Variants in EIF4E observed in about 807,000 individuals in gnomAD.
The protein encoded by EIF4E is eIF-4F 25 kDa subunit.
For missense variants in EIF4E, 113 were observed against 265.6 expected, an observed-to-expected ratio of 0.43 and a Z score of 3.99; for synonymous variants, 71 against 88.5, an observed-to-expected ratio of 0.80 and a Z score of 1.11.
At chr4:98,906,620 G>C (rs575806028) in intron 1 of EIF4E, among the ~76,000 whole-genome samples, 143 of 152,252 alleles carry the variant, frequency 9.4e-4, no homozygotes, top group African/African-American at 3.3e-3. Context: ...CAAAATAGGA[G>C]CATCACTTGA....
chr4:98,917,483 A>G (rs1290051288), intron 1 of EIF4E, among the ~76,000 whole-genome samples: 1 of 152,032 alleles, frequency 6.6e-6, no homozygotes, highest in Non-Finnish European at 1.5e-5. Flanking sequence ...CAAACTATAA[A>G]CCAAAAACTG....
chr4:98,928,125 C>G (rs1481605192), intron 1 of EIF4E, among the ~76,000 whole-genome samples: 1 of 152,182 alleles, frequency 6.6e-6, no homozygotes, highest in Non-Finnish European at 1.5e-5. Context: ...GAGATAAAGA[C>G]TCGGAAGAAC....
At chr4:98,896,944 G>C (rs907882806) in intron 2 of EIF4E, among the ~76,000 whole-genome samples, 2 of 152,150 alleles carry the variant, frequency 1.3e-5, no homozygotes. Flanking sequence ...GACAGAGTGA[G>C]ACCCTGTCTT....
At chr4:98,893,960 TACG>T (rs1295435746) in intron 2 of EIF4E, among the ~76,000 whole-genome samples, 1 of 152,238 alleles carries the variant, frequency 6.6e-6, no homozygotes, top group Non-Finnish European at 1.5e-5. Context: ...TGCTGCTCCA[TACG>T]CTGCAGAAAG....
chr4:98,920,065 G>C (rs974757736), intron 1 of EIF4E, among the ~76,000 whole-genome samples: 2 of 152,144 alleles, frequency 1.3e-5, no homozygotes, highest in Admixed American at 6.5e-5. Context: ...AGTTCTCCTG[G>C]ACAGACTTTT....
intron 6 of EIF4E, among the ~76,000 whole-genome samples, chr4:98,883,907 T>C (rs1723804529): frequency 6.6e-6 from 1 of 151,790 alleles, no homozygotes; most frequent in East Asian, 2.0e-4. Context: ...GGTGTGGTCA[T>C]ACACACCTGT....
intron 2 of EIF4E, among the ~76,000 whole-genome samples, chr4:98,898,775 A>G (rs1724525228): frequency 6.6e-6 from 1 of 152,164 alleles, no homozygotes; most frequent in African/African-American, 2.4e-5. Flanking sequence ...AGCATTATTT[A>G]CTGTAAAAAT....
At chr4:98,885,682 G>T (rs779689231) in intron 5 of EIF4E, among the ~76,000 whole-genome samples, 1 of 152,140 alleles carries the variant, frequency 6.6e-6, no homozygotes, top group Non-Finnish European at 1.5e-5. Context: ...GAACTCCTGA[G>T]TTTAAGTGAA....
intron 6 of EIF4E, among the ~76,000 whole-genome samples, chr4:98,884,046 A>G (rs1723810599): frequency 6.6e-6 from 1 of 151,844 alleles, no homozygotes; most frequent in Admixed American, 6.6e-5. Context: ...CTCAAAAAAA[A>G]AAAAAAAGCC....
chr4:98,908,012 A>G (rs1724952084), intron 1 of EIF4E, among the ~76,000 whole-genome samples: 1 of 152,204 alleles, frequency 6.6e-6, no homozygotes, highest in Non-Finnish European at 1.5e-5. Flanking sequence ...TAAGATGAGG[A>G]AAAAATTTTA....
intron 1 of EIF4E, among the ~76,000 whole-genome samples, chr4:98,915,253 G>A (rs111680866): frequency 0.023 from 3,461 of 151,404 alleles, 50 homozygotes; most frequent in African/African-American, 0.032. Context: ...ACACAAACCC[G>A]GCCGAAAATT....
intron 1 of EIF4E, chr4:98,903,366 T>C (rs2110200917): frequency 9.4e-6 from 4 of 425,088 alleles, no homozygotes; most frequent in South Asian, 6.9e-5. Context: ...ATGGGTTTTT[T>C]TTTTTTTTGT....
At chr4:98,928,772 A>C in intron 1 of EIF4E, 1 of 1,313,360 alleles carries the variant, frequency 7.6e-7, no homozygotes, top group Non-Finnish European at 1.0e-6. Flanking sequence ...TCATGAAGAC[A>C]CCATCCTCGC....
chr4:98,914,913 T>A (rs2110214409), intron 1 of EIF4E, among the ~76,000 whole-genome samples: 1 of 152,240 alleles, frequency 6.6e-6, no homozygotes, highest in East Asian at 1.9e-4. Flanking sequence ...TCTGCTCAGT[T>A]TTGCTCCGAA....
chr4:98,906,411 C>A (rs1724875782), intron 1 of EIF4E, among the ~76,000 whole-genome samples: 1 of 152,216 alleles, frequency 6.6e-6, no homozygotes, highest in Non-Finnish European at 1.5e-5. Context: ...CTTTGAAAAT[C>A]TGTAGCAATT....
intron 1 of EIF4E, among the ~76,000 whole-genome samples, chr4:98,927,654 C>CAAAAAAAAAAA (rs774720176): frequency 8.5e-5 from 3 of 35,090 alleles, no homozygotes; most frequent in Non-Finnish European, 1.6e-4. Context: ...GACTCCATCT[C>CAAAAAAAAAAA]AAAAAAAAAA....
At chr4:98,902,093 G>A in intron 1 of EIF4E, 111 bp from the exon 2 acceptor site, 1 of 955,122 alleles carries the variant, frequency 1.0e-6, no homozygotes, top group Non-Finnish European at 1.6e-6. Context: ...TTTTGAGACA[G>A]AGTCTCTCTC....
At chr4:98,892,547 T>C (rs1385448197) in intron 2 of EIF4E, among the ~76,000 whole-genome samples, 1 of 151,016 alleles carries the variant, frequency 6.6e-6, no homozygotes, top group Non-Finnish European at 1.5e-5. Context: ...CCAGGCCTGG[T>C]GGTATGTGCC....
intron 1 of EIF4E, 41 bp downstream of exon 1, chr4:98,929,054 C>G (rs769621095): frequency 6.4e-7 from 1 of 1,574,654 alleles, no homozygotes; most frequent in South Asian, 1.2e-5. Flanking sequence ...GAAGACGGAG[C>G]GCGGGGACCC....
Sources: gnomAD v4.1 joint callset for allele counts (sites outside exome capture counted in the v4.1 genomes callset) on GRCh38, gnomAD v4.1.1 for gene constraint, MANE v1.5 for transcripts, NCBI Gene and HGNC (gene_info 2026-07-23, HGNC 2026-07-21) for gene names.